EIF4ENIF1: variants seen among roughly 807,000 people sequenced by gnomAD.
The protein encoded by EIF4ENIF1 is eukaryotic translation initiation factor 4E nuclear import factor 1.
Under a neutral mutation model 110.5 loss-of-function variants are expected in EIF4ENIF1, and 23 were observed. The observed-to-expected ratio is 0.21, with a 90% confidence interval of 0.15 to 0.29. The LOEUF is 0.29. Ranked by LOEUF, EIF4ENIF1 falls within the 10% of genes least tolerant of loss-of-function variation. The pLI is 1.00. For synonymous variants in EIF4ENIF1, 440 were observed against 437.0 expected, an observed-to-expected ratio of 1.01 and a Z score of -0.09; for missense variants, 1,031 against 1,221.1, an observed-to-expected ratio of 0.84 and a Z score of 2.32.
chr22:31,464,008 A>G (rs201586328), intron 4 of EIF4ENIF1, 41 bp from the exon 5 acceptor site: 15 of 1,578,628 alleles, frequency 9.5e-6, no homozygotes, highest in African/African-American at 2.7e-5. Context: ...CAAACCAACA[A>G]GGGTGTTTTC....
chr22:31,462,825 C>T (rs376598428), intron 6 of EIF4ENIF1, 107 bp downstream of exon 6: 16 of 1,164,508 alleles, frequency 1.4e-5, no homozygotes, highest in South Asian at 8.8e-5. Context: ...TCAGGTGATC[C>T]GCCCACCTCG....
intron 4 of EIF4ENIF1, among the ~76,000 whole-genome samples, chr22:31,467,050 T>A (rs945302952): frequency 9.2e-5 from 14 of 152,320 alleles, no homozygotes; most frequent in African/African-American, 2.6e-4. Flanking sequence ...TATTTGCCAA[T>A]AAACACATCT....
At chr22:31,456,627 G>A (rs1442091099) in intron 7 of EIF4ENIF1, among the ~76,000 whole-genome samples, 2 of 152,148 alleles carry the variant, frequency 1.3e-5, no homozygotes, top group Non-Finnish European at 2.9e-5. Flanking sequence ...TGATTCTTAT[G>A]CCTCAGGCTC....
At chr22:31,475,562 G>A (rs1165092438) in intron 2 of EIF4ENIF1, among the ~76,000 whole-genome samples, 3 of 152,186 alleles carry the variant, frequency 2.0e-5, no homozygotes, top group South Asian at 4.1e-4. Flanking sequence ...GACCAGCCTG[G>A]CCAACATGGT....
In EIF4ENIF1 at chr22:31,440,878, A is replaced by C. The variant is rs781144029; in HGVS notation, c.2552-10T>G. 13 of 1,613,852 alleles carry C rather than the reference A, an allele frequency of 8.1e-6. No homozygotes were observed. In the South Asian group the frequency reaches 1.4e-4, roughly 18 times the overall value. ...CCAGGAGGAAGCACACCTGTTGAGC[A>C]GAAAAAGCAAGCAGCTGAGTAGTCT... is the stretch of plus-strand genomic sequence containing the variant. On this transcript the variant is annotated splice_polypyrimidine_tract_variant and intron_variant, in intron 17 of 18. Transcript: ENST00000330125.
chr22:31,471,963 C>T, intron 2 of EIF4ENIF1, 46 bp from the exon 3 acceptor site: 1 of 1,461,234 alleles, frequency 6.8e-7, no homozygotes, highest in Non-Finnish European at 9.4e-7. Flanking sequence ...ATTTCTTAGG[C>T]CACACACTTT....
rs183566609 is a variant in EIF4ENIF1 at position 31,468,425 on chromosome 22, C to T, written c.171-123G>A. ...TTTCTCCTTTTTTGAGACAGGGTCT[C>T]GCTCTGTCGCCCAGGATGGAGCGCA... On this transcript the variant is annotated intron_variant, in intron 3 of 18. Transcript: ENST00000330125. 2.4e-4 allele frequency: 338 copies of T among 1,380,036 alleles called. 1 individual carries two copies. The African/African-American group carries it at 4.0e-3, about 16-fold the overall frequency. The allele number at this position is 1,380,036 out of a possible 1,614,324, so 85.5% of individuals were successfully genotyped here.
At chr22:31,467,735 T>C (rs868438377) in intron 4 of EIF4ENIF1, among the ~76,000 whole-genome samples, 8 of 151,846 alleles carry the variant, frequency 5.3e-5, no homozygotes, top group African/African-American at 1.2e-4. Context: ...AGGCAGAGAA[T>C]TGCTTGAACC....
chr22:31,467,866 G>GAA (rs954317409), intron 4 of EIF4ENIF1, among the ~76,000 whole-genome samples: 36 of 151,890 alleles, frequency 2.4e-4, no homozygotes, highest in Admixed American at 6.6e-5. Context: ...ACATATGAAA[G>GAA]AAAGCATAAT....
At chr22:31,442,797 TCTCA>T (rs1359905291) in intron 16 of EIF4ENIF1, among the ~76,000 whole-genome samples, 161 bp downstream of exon 16, 3 of 152,156 alleles carry the variant, frequency 2.0e-5, no homozygotes, top group Non-Finnish European at 1.5e-5. Flanking sequence ...GCCCAATTCT[TCTCA>T]CTGTCACACA....
intron 10 of EIF4ENIF1, chr22:31,450,843 CTACACACACACACA>C (rs2050640301): frequency 3.1e-5 from 3 of 96,880 alleles, no homozygotes; most frequent in South Asian, 2.7e-4. Context: ...TATATATATA[CTACACACACACACA>C]CACACACACA....
rs1205044676 is a variant in EIF4ENIF1 at position 31,447,548 on chromosome 22, C to G, written c.1866G>C (p.Leu622Phe). The stretch of plus-strand genomic sequence containing the variant: ...CCAGCCCTTCTAAAGCTGCCTGTTG[C>G]AACTCCAGCTGGCTCATCTGCTGAA... ...PITAQMSQLE[L>F]QQAALEGLAL... The change falls in exon 14 of 19, where the codon TTG (leucine) becomes TTC (phenylalanine). Residue 622 changes from leucine (L) to phenylalanine (F), a missense_variant. Leu to Phe is a conservative substitution (Grantham distance 22). Coordinates refer to ENST00000330125, the MANE Select transcript of EIF4ENIF1 (RefSeq NM_019843.4). 1 of 1,605,558 alleles carries G rather than the reference C, an allele frequency of 6.2e-7. No homozygotes were observed. The highest frequency in any genetic ancestry group is 8.5e-7 in the Non-Finnish European group (1 of 1,174,486).
rs1338498145 is a variant in EIF4ENIF1 at position 31,445,692 on chromosome 22, G to A, written c.1989-1002C>T. On this transcript the variant is annotated intron_variant, in intron 14 of 18. Transcript: ENST00000330125. ...TGGAGGTTACATTCTTGGGGCTGCA[G>A]GATGGAGTGGGGTTACTACAGGCAG... 6.6e-5 allele frequency among the ~76,000 whole-genome samples: 10 copies of A among 152,224 alleles called. No homozygotes were observed. In the South Asian group the frequency reaches 1.9e-3, roughly 28 times the overall value.
intron 2 of EIF4ENIF1, among the ~76,000 whole-genome samples, chr22:31,477,372 A>C (rs1416474763): frequency 1.2e-5 from 1 of 83,812 alleles, no homozygotes; most frequent in Non-Finnish European, 2.4e-5. Context: ...AAAAAAAAAA[A>C]AACAAAAAAA....
chr22:31,470,907 G>A (rs2051353437), intron 3 of EIF4ENIF1, among the ~76,000 whole-genome samples: 1 of 151,458 alleles, frequency 6.6e-6, no homozygotes, highest in South Asian at 2.1e-4. Flanking sequence ...AGCTACTCGG[G>A]AGGCTGAGGC....
In EIF4ENIF1 at chr22:31,470,372, C is replaced by T. The variant is rs145394304; in HGVS notation, c.170+1472G>A. 1.5e-3 allele frequency among the ~76,000 whole-genome samples: 229 copies of T among 151,532 alleles called. 2 individuals are homozygous for T. In the East Asian group the frequency reaches 0.037, roughly 24 times the overall value. Reference sequence around the variant, plus strand: ...CTAGGATCAACGCAACCTCCACCTCCCGGGTTCAAGCGATTCTCCTGCCTC... The same window carrying T: ...CTAGGATCAACGCAACCTCCACCTCTCGGGTTCAAGCGATTCTCCTGCCTC... On this transcript the variant is annotated intron_variant, in intron 3 of 18. Transcript: ENST00000330125.
intron 17 of EIF4ENIF1, 125 bp from the exon 18 acceptor site, chr22:31,440,993 C>T (rs1169079246): frequency 1.5e-5 from 20 of 1,301,462 alleles, no homozygotes; most frequent in South Asian, 1.5e-4. Context: ...CAGTGGCTCA[C>T]GCCTGTAATC....
At chr22:31,471,198 CA>C (rs371516664) in intron 3 of EIF4ENIF1, among the ~76,000 whole-genome samples, 4 of 147,814 alleles carry the variant, frequency 2.7e-5, no homozygotes, top group Non-Finnish European at 3.0e-5. Context: ...TGTGGGAATG[CA>C]AAAAAAAAGA....
chr22:31,468,253 A>T lies in EIF4ENIF1; in HGVS notation c.220T>A (p.Ser74Thr). The change falls in exon 4 of 19, where the codon TCA becomes ACA. Residue 74 changes from serine (S) to threonine (T), a missense_variant. This residue lies in a region of EIF4ENIF1 where 704 missense variants were observed against 879.7 expected (regional missense o/e 0.80). Coordinates refer to ENST00000330125, the MANE Select transcript of EIF4ENIF1 (RefSeq NM_019843.4). Reference protein sequence around the residue: ...EKWHASLYPASGRSSPVESLK... With the variant: ...EKWHASLYPATGRSSPVESLK... ...CTTTCCACTGGTGAGCTCCGCCCTG[A>T]AGCTGGGTAGAGAGAGGCATGCCAC... The T allele has an allele frequency of 6.2e-7, 1 of 1,614,164 alleles. No individual in the cohort carries two copies. Among genetic ancestry groups the T allele is most frequent in the Non-Finnish European group, 8.5e-7 (1 of 1,180,038 alleles).
Sources: allele counts gnomAD v4.1 joint callset (sites outside exome capture counted in the v4.1 genomes callset), GRCh38; gene constraint gnomAD v4.1.1; regional missense constraint gnomAD v4.1.1; transcripts MANE v1.5; gene names NCBI Gene and HGNC (gene_info 2026-07-23, HGNC 2026-07-21).